The following RIT2 variants were observed in gnomAD, a reference collection of about 807,000 sequenced individuals.
The protein encoded by RIT2 is GTP-binding protein Rit2.
RIT2 carries 24 observed loss-of-function variants against 23.7 expected under a neutral mutation model. The ratio of observed to expected loss-of-function variants is 1.01; its 90% CI spans 0.73 to 1.43. RIT2 has a LOEUF of 1.43. Among genes scored for constraint, RIT2 ranks in the 40% most tolerant of loss-of-function variants. The pLI is 0.00. For missense variants in RIT2, 236 were observed against 266.9 expected (o/e 0.88, Z 0.81); for synonymous variants, 107 against 91.1 (o/e 1.17, Z -0.99).
intron 2 of RIT2, among the ~76,000 whole-genome samples, chr18:43,018,044 C>A (rs2144262226): frequency 6.6e-6 from 1 of 152,028 alleles, no homozygotes; most frequent in African/African-American, 2.4e-5. Flanking sequence ...TTTTTTTGTA[C>A]CACATAAAGA....
At position 42,929,031 on chromosome 18, in the gene RIT2, G is replaced by GGA. The variant is rs569778909; in HGVS notation, c.235-5270_235-5269dup. ...AATACATATACTAAAACTAAAATATGGAGATATATATATATATATATATAT... is the reference window on the plus strand; with the variant it reads ...AATACATATACTAAAACTAAAATATGGAGAGATATATATATATATATATATAT... On this transcript the variant is annotated intron_variant, in intron 3 of 4. Coordinates refer to ENST00000326695, the MANE Select transcript of RIT2 (RefSeq NM_002930.4). Among the ~76,000 whole-genome samples the GGA allele has an allele frequency of 9.1e-3, 328 of 36,196 alleles. 3 individuals carry two copies. The highest frequency in any genetic ancestry group is 0.013 in the South Asian group (11 of 842). The allele number at this position is 36,196 out of a possible 152,430, so 23.7% of individuals were successfully genotyped here.
intron 2 of RIT2, among the ~76,000 whole-genome samples, chr18:43,008,289 CAT>C (rs1161174466): frequency 6.6e-6 from 1 of 151,284 alleles, no homozygotes. Context: ...ATACAATGTA[CAT>C]ATATATAAGA....
intron 4 of RIT2, among the ~76,000 whole-genome samples, chr18:42,769,148 G>A (rs1300972250): frequency 6.6e-6 from 1 of 152,078 alleles, no homozygotes; most frequent in Admixed American, 6.6e-5. Flanking sequence ...TAAGAAAAAA[G>A]TCAATAGAAA....
At chr18:43,096,015 A>G (rs1359642492) in intron 1 of RIT2, among the ~76,000 whole-genome samples, 1 of 151,988 alleles carries the variant, frequency 6.6e-6, no homozygotes, top group Non-Finnish European at 1.5e-5. Flanking sequence ...AAAGGTGTTA[A>G]TAATTAGAAG....
chr18:42,781,729 G>T (rs773320683), intron 4 of RIT2, among the ~76,000 whole-genome samples: 1 of 152,164 alleles, frequency 6.6e-6, no homozygotes, highest in African/African-American at 2.4e-5. Flanking sequence ...GGTCTTGCCC[G>T]TTGCTTTTCA....
intron 1 of RIT2, among the ~76,000 whole-genome samples, chr18:43,047,818 T>G: frequency 6.6e-6 from 1 of 152,296 alleles, no homozygotes. Flanking sequence ...TTTTGCTTGC[T>G]TTGTGTTTAA....
chr18:43,093,437 T>G (rs1161533861), intron 1 of RIT2, among the ~76,000 whole-genome samples: 1 of 152,168 alleles, frequency 6.6e-6, no homozygotes, highest in East Asian at 1.9e-4. Flanking sequence ...GGGAAATGTG[T>G]TTTTTAAAAT....
intron 2 of RIT2, among the ~76,000 whole-genome samples, chr18:43,003,225 T>C (rs998331436): frequency 6.9e-6 from 1 of 144,856 alleles, no homozygotes; most frequent in African/African-American, 2.5e-5. Context: ...ATGACAGCAG[T>C]AGAAAACTAA....
At chr18:42,979,611 A>G (rs1365999352) in intron 2 of RIT2, among the ~76,000 whole-genome samples, 2 of 152,172 alleles carry the variant, frequency 1.3e-5, no homozygotes, top group Admixed American at 6.6e-5. Flanking sequence ...GTGTGTACAG[A>G]GCAGAAGTAT....
At chr18:42,797,331 A>G (rs2143956581) in intron 4 of RIT2, among the ~76,000 whole-genome samples, 1 of 152,292 alleles carries the variant, frequency 6.6e-6, no homozygotes, top group Admixed American at 6.5e-5. Context: ...TGTGGTGGTC[A>G]CACTTTCATT....
intron 4 of RIT2, among the ~76,000 whole-genome samples, chr18:42,837,537 G>T (rs1023440787): frequency 6.6e-6 from 1 of 151,996 alleles, no homozygotes; most frequent in Admixed American, 6.6e-5. Flanking sequence ...CAGTTTATGG[G>T]CTGGCACCTG....
intron 4 of RIT2, among the ~76,000 whole-genome samples, chr18:42,828,610 C>T (rs1225009819): frequency 1.3e-5 from 2 of 152,140 alleles, no homozygotes; most frequent in South Asian, 2.1e-4. Context: ...AATGGTCACC[C>T]AAGATCTTTC....
intron 4 of RIT2, among the ~76,000 whole-genome samples, chr18:42,781,616 A>T: frequency 6.6e-6 from 1 of 152,142 alleles, no homozygotes; most frequent in East Asian, 1.9e-4. Flanking sequence ...GAATGGTAAA[A>T]TTTAGCTGGG....
intron 1 of RIT2, among the ~76,000 whole-genome samples, chr18:43,035,577 A>G (rs950470103): frequency 2.0e-5 from 3 of 152,124 alleles, no homozygotes; most frequent in African/African-American, 7.2e-5. Context: ...TAGCAAGAAT[A>G]CTGCTAAATC....
At chr18:42,899,155 GTTTC>G (rs1240676069) in intron 4 of RIT2, among the ~76,000 whole-genome samples, 5 of 151,624 alleles carry the variant, frequency 3.3e-5, no homozygotes, top group Admixed American at 3.3e-4. Context: ...TTACTTTACA[GTTTC>G]TTTCACTCAT....
At chr18:42,815,739 G>C (rs555683036) in intron 4 of RIT2, among the ~76,000 whole-genome samples, 2 of 152,106 alleles carry the variant, frequency 1.3e-5, no homozygotes, top group Non-Finnish European at 2.9e-5. Flanking sequence ...TCTTATGAAG[G>C]GGGGAAACGT....
intron 4 of RIT2, 143 bp downstream of exon 4, chr18:42,923,428 TG>T: frequency 1.3e-6 from 1 of 751,250 alleles, no homozygotes; most frequent in Non-Finnish European, 2.3e-6. Context: ...CAATTTACCA[TG>T]GGACCACCAT....
chr18:42,757,086 T>C (rs993138617), intron 4 of RIT2, among the ~76,000 whole-genome samples: 1 of 152,172 alleles, frequency 6.6e-6, no homozygotes, highest in South Asian at 2.1e-4. Context: ...ATCTCTTCAC[T>C]GAATGGAGAC....
intron 1 of RIT2, among the ~76,000 whole-genome samples, chr18:43,114,029 T>C (rs1914011602): frequency 6.6e-6 from 1 of 152,188 alleles, no homozygotes; most frequent in African/African-American, 2.4e-5. Flanking sequence ...CCTCCATCCC[T>C]TCCTCCTTCC....
Sources: allele counts gnomAD v4.1 joint callset (sites outside exome capture counted in the v4.1 genomes callset), GRCh38; gene constraint gnomAD v4.1.1; transcripts MANE v1.5; gene names NCBI Gene and HGNC (gene_info 2026-07-23, HGNC 2026-07-21).